Variants in RERE observed in about 807,000 individuals in gnomAD.
RERE encodes arginine-glutamic acid dipeptide repeats, also known as arginine-glutamic acid dipeptide repeats protein.
In RERE, 40 loss-of-function variants were observed where a neutral mutation model predicts 146.1. The ratio of observed to expected loss-of-function variants is 0.27; its 90% CI spans 0.21 to 0.36. The LOEUF is 0.36. Among genes scored for constraint, RERE ranks in the 10% least tolerant of loss-of-function variants. RERE has a pLI of 1.00. For synonymous variants in RERE, 1,003 were observed against 866.0 expected, an observed-to-expected ratio of 1.16 and a Z score of -2.78; for missense variants, 1,933 against 2,138.7, an observed-to-expected ratio of 0.90 and a Z score of 1.90.
In RERE at chr1:8,355,466, G is replaced by A. The variant is rs1256059156; in HGVS notation, c.4620C>T (p.His1540=). Reference sequence around the variant, plus strand: ...GTAGGTGGCCACCATGCATGTGGGGGTGTCCATGCAGCCACTGCTGCTCCA... The same window carrying A: ...GTAGGTGGCCACCATGCATGTGGGGATGTCCATGCAGCCACTGCTGCTCCA... ...LAMEQQWLHG[H]PHMHGGHLPS... Residue 1540 remains histidine, a synonymous_variant, in exon 22 of 23, where the codon CAC becomes CAT. Coordinates refer to ENST00000400908, the MANE Select transcript of RERE (RefSeq NM_001042681.2). 2.5e-6 allele frequency: 4 copies of A among 1,612,906 alleles called. No homozygotes were observed. Among genetic ancestry groups the A allele is most frequent in the Non-Finnish European group, 2.5e-6 (3 of 1,180,002 alleles).
At chr1:8,738,807 T>C (rs1468906663) in intron 1 of RERE, among the ~76,000 whole-genome samples, 3 of 152,204 alleles carry the variant, frequency 2.0e-5, no homozygotes, top group Non-Finnish European at 4.4e-5. Context: ...GTGAACAGGC[T>C]GTAACCTACA....
intron 7 of RERE, among the ~76,000 whole-genome samples, chr1:8,537,165 C>T (rs1411575431): frequency 2.0e-5 from 3 of 152,168 alleles, no homozygotes; most frequent in Non-Finnish European, 2.9e-5. Context: ...GATCACGCCA[C>T]TACACTCCAG....
intron 12 of RERE, among the ~76,000 whole-genome samples, chr1:8,388,955 G>A (rs1457438839): frequency 6.6e-6 from 1 of 152,146 alleles, no homozygotes; most frequent in Non-Finnish European, 1.5e-5. Flanking sequence ...CCACTGCAGG[G>A]ATACTCCCAC....
chr1:8,791,870 T>A (rs58263761), intron 1 of RERE, among the ~76,000 whole-genome samples: 9,946 of 152,270 alleles, frequency 0.065, 382 homozygotes, highest in Middle Eastern at 0.099. Flanking sequence ...TCAGAAACCA[T>A]TTAAAGACAA....
At chr1:8,689,129 G>A (rs1212904498) in intron 1 of RERE, among the ~76,000 whole-genome samples, 2 of 151,606 alleles carry the variant, frequency 1.3e-5, no homozygotes, top group East Asian at 1.9e-4. Flanking sequence ...TTTCTTTGTT[G>A]AAATTTCAAT....
At chr1:8,471,489 T>C (rs910858363) in intron 10 of RERE, among the ~76,000 whole-genome samples, 3 of 150,004 alleles carry the variant, frequency 2.0e-5, no homozygotes, top group Non-Finnish European at 3.0e-5. Context: ...TTGGTAGAAA[T>C]AGGGTTTTGC....
chr1:8,804,944 AAG>A (rs763116702), intron 1 of RERE, among the ~76,000 whole-genome samples: 2 of 152,062 alleles, frequency 1.3e-5, no homozygotes, highest in African/African-American at 2.4e-5. Context: ...ATTATAGAGA[AAG>A]AGTACTATAT....
At chr1:8,530,228 G>A (rs770425486) in intron 7 of RERE, among the ~76,000 whole-genome samples, 1 of 152,176 alleles carries the variant, frequency 6.6e-6, no homozygotes, top group Admixed American at 6.5e-5. Flanking sequence ...AACAACAGGT[G>A]TAGGATTAGC....
intron 3 of RERE, among the ~76,000 whole-genome samples, chr1:8,619,559 T>G (rs1307742748): frequency 6.6e-6 from 1 of 152,222 alleles, no homozygotes; most frequent in African/African-American, 2.4e-5. Flanking sequence ...CCATGGAGAC[T>G]ATTACAGGAC....
intron 10 of RERE, among the ~76,000 whole-genome samples, chr1:8,491,314 C>A (rs192727228): frequency 5.5e-4 from 84 of 152,276 alleles, no homozygotes; most frequent in African/African-American, 2.0e-3. Context: ...GTGGCACATG[C>A]CTGCAATCCC....
intron 1 of RERE, among the ~76,000 whole-genome samples, chr1:8,809,137 T>TAA (rs58263107): frequency 2.3e-4 from 22 of 95,020 alleles, no homozygotes; most frequent in Non-Finnish European, 2.9e-4. Flanking sequence ...GACTTTGTCT[T>TAA]AAAAAAAAAA....
At chr1:8,452,679 A>G (rs1049767672) in intron 11 of RERE, among the ~76,000 whole-genome samples, 5 of 152,254 alleles carry the variant, frequency 3.3e-5, no homozygotes, top group Non-Finnish European at 5.9e-5. Flanking sequence ...GGTCTCAAAC[A>G]TCCAGCAGAG....
chr1:8,421,121 A>G (rs1643903961), intron 12 of RERE, among the ~76,000 whole-genome samples: 1 of 152,254 alleles, frequency 6.6e-6, no homozygotes, highest in Admixed American at 6.5e-5. Context: ...GAAAGATAAA[A>G]TAATTGTCAA....
intron 11 of RERE, among the ~76,000 whole-genome samples, chr1:8,429,019 C>T (rs115783454): frequency 2.0e-5 from 3 of 152,162 alleles, no homozygotes; most frequent in African/African-American, 4.8e-5. Flanking sequence ...TGAGTACAAA[C>T]GGCATTGATT....
At chr1:8,369,554 C>T (rs1641952566) in intron 12 of RERE, among the ~76,000 whole-genome samples, 2 of 138,580 alleles carry the variant, frequency 1.4e-5, no homozygotes, top group African/African-American at 6.0e-5. Context: ...AAGAAAATGA[C>T]CAGGCAGGAA....
chr1:8,432,076 T>TC (rs150246540), intron 11 of RERE, among the ~76,000 whole-genome samples: 2,323 of 152,210 alleles, frequency 0.015, 55 homozygotes, highest in African/African-American at 0.052. Context: ...TCCACACCCC[T>TC]CCCCCCAACA....
At chr1:8,609,489 T>C (rs1366429410) in intron 4 of RERE, among the ~76,000 whole-genome samples, 1 of 152,202 alleles carries the variant, frequency 6.6e-6, no homozygotes, top group African/African-American at 2.4e-5. Flanking sequence ...CCAGCCATCT[T>C]AATATCTTTC....
At chr1:8,578,795 G>GT (rs1646327562) in intron 4 of RERE, among the ~76,000 whole-genome samples, 1 of 152,204 alleles carries the variant, frequency 6.6e-6, no homozygotes, top group Admixed American at 6.5e-5. Flanking sequence ...AAGACATGCT[G>GT]TAAAGCACAG....
intron 12 of RERE, among the ~76,000 whole-genome samples, chr1:8,397,735 T>G (rs776124950): frequency 9.2e-5 from 14 of 152,210 alleles, no homozygotes; most frequent in African/African-American, 1.2e-4. Flanking sequence ...CCATATGCAG[T>G]AAGTTCCTGA....
Sources: allele counts gnomAD v4.1 joint callset (sites outside exome capture counted in the v4.1 genomes callset), GRCh38; gene constraint gnomAD v4.1.1; transcripts MANE v1.5; gene names NCBI Gene and HGNC (gene_info 2026-07-23, HGNC 2026-07-21).